C1orf21: variants seen among roughly 807,000 people sequenced by gnomAD.
C1orf21 encodes chromosome 1 open reading frame 21.
Under a neutral mutation model 18.7 loss-of-function variants are expected in C1orf21, and 3 were observed. That is an observed-to-expected ratio of 0.16 (90% CI 0.07 to 0.42). The LOEUF (loss-of-function observed/expected upper bound fraction) is 0.42. Among genes scored for constraint, C1orf21 ranks in the 10% least tolerant of loss-of-function variants. The pLI, the probability that C1orf21 is intolerant of heterozygous loss-of-function variation, is 0.99. For synonymous variants in C1orf21, 41 were observed against 46.4 expected (o/e 0.88, Z 0.47); for missense variants, 104 against 143.6 (o/e 0.72, Z 1.41).
chr1:184,527,938 A>G (rs183659791), intron 3 of C1orf21, among the ~76,000 whole-genome samples: 3 of 152,344 alleles, frequency 2.0e-5, no homozygotes, highest in African/African-American at 4.8e-5. Context: ...TTGGAAAGCC[A>G]TAGAAAGTTA....
At chr1:184,455,800 T>C (rs777688818) in intron 1 of C1orf21, among the ~76,000 whole-genome samples, 2 of 152,204 alleles carry the variant, frequency 1.3e-5, no homozygotes, top group Non-Finnish European at 1.5e-5. Context: ...TGGGATATTA[T>C]GAATACTATT....
chr1:184,606,378 C>A (rs1205953797), intron 5 of C1orf21, among the ~76,000 whole-genome samples: 1 of 152,016 alleles, frequency 6.6e-6, no homozygotes, highest in Non-Finnish European at 1.5e-5. Context: ...GAGTTTGAGA[C>A]CAGCCTGGGC....
chr1:184,604,787 A>C (rs1463860516), intron 5 of C1orf21, among the ~76,000 whole-genome samples: 4 of 152,252 alleles, frequency 2.6e-5, no homozygotes, highest in Non-Finnish European at 5.9e-5. Context: ...TAACAGTAGT[A>C]GATGAGTCTG....
chr1:184,603,920 A>G (rs143964920), intron 5 of C1orf21, among the ~76,000 whole-genome samples: 158 of 152,362 alleles, frequency 1.0e-3, no homozygotes, highest in African/African-American at 3.5e-3. Flanking sequence ...ATGGCCTCAG[A>G]ACTAACGTGG....
At chr1:184,484,719 T>G (rs1657707098) in intron 2 of C1orf21, among the ~76,000 whole-genome samples, 1 of 152,208 alleles carries the variant, frequency 6.6e-6, no homozygotes, top group Admixed American at 6.5e-5. Context: ...GGGCTTAGAT[T>G]ATTGCAGTAA....
At chr1:184,593,355 A>T (rs1659468367) in intron 4 of C1orf21, among the ~76,000 whole-genome samples, 1 of 152,120 alleles carries the variant, frequency 6.6e-6, no homozygotes, top group South Asian at 2.1e-4. Context: ...CTGGAATTCA[A>T]TTAAGAAATC....
intron 3 of C1orf21, among the ~76,000 whole-genome samples, chr1:184,548,187 G>A (rs898288237): frequency 6.7e-6 from 1 of 149,614 alleles, no homozygotes; most frequent in Non-Finnish European, 1.5e-5. Flanking sequence ...CCTCTAGGAA[G>A]TATAGTAATC....
chr1:184,488,590 T>C (rs1321862357), intron 2 of C1orf21, among the ~76,000 whole-genome samples: 1 of 152,246 alleles, frequency 6.6e-6, no homozygotes, highest in East Asian at 1.9e-4. Context: ...TATTTGTGAT[T>C]ATAATATTAA....
chr1:184,519,769 G>A (rs1205975525), intron 3 of C1orf21, among the ~76,000 whole-genome samples: 2 of 152,200 alleles, frequency 1.3e-5, no homozygotes, highest in African/African-American at 2.4e-5. Context: ...GGAGGTGAGA[G>A]TATCAAAAGC....
intron 1 of C1orf21, among the ~76,000 whole-genome samples, chr1:184,423,841 C>G (rs953833037): frequency 2.0e-5 from 3 of 150,550 alleles, no homozygotes; most frequent in African/African-American, 7.4e-5. Flanking sequence ...CATCCCTCCA[C>G]TCATCCATCC....
intron 2 of C1orf21, among the ~76,000 whole-genome samples, chr1:184,477,988 T>C (rs1475111685): frequency 6.6e-6 from 1 of 152,226 alleles, no homozygotes; most frequent in Non-Finnish European, 1.5e-5. Flanking sequence ...TGGAAATCAA[T>C]GTGGATCTTT....
At chr1:184,590,847 T>G (rs778479603) in intron 4 of C1orf21, 32 bp downstream of exon 4, 2 of 1,565,480 alleles carry the variant, frequency 1.3e-6, no homozygotes, top group South Asian at 2.2e-5. Context: ...CCTTATATAG[T>G]CGGCCTTCCA....
In C1orf21 at chr1:184,621,433, C is replaced by T. The variant is rs1249790622; in HGVS notation, c.*1877C>T. The T allele has an allele frequency of 6.6e-6, 1 of 152,446 alleles. No individual in the cohort carries two copies. Among genetic ancestry groups the T allele is most frequent in the Non-Finnish European group, 1.5e-5 (1 of 68,012 alleles). The allele number at this position is 152,446 out of a possible 1,614,324, so 9.4% of individuals were successfully genotyped here. On this transcript the variant is annotated 3_prime_UTR_variant, in exon 6 of 6. Transcript: ENST00000235307. ...GTAGTCTAGGGTTTCAGGTTGCCTC[C>T]CCTCATATGGTTTTTGGCCAAGTGA...
At chr1:184,591,075 T>C (rs1270033485) in intron 4 of C1orf21, among the ~76,000 whole-genome samples, 5 of 152,182 alleles carry the variant, frequency 3.3e-5, no homozygotes, top group Non-Finnish European at 7.4e-5. Flanking sequence ...GTGGGGGTTA[T>C]GCAAATTCTA....
intron 5 of C1orf21, among the ~76,000 whole-genome samples, chr1:184,604,499 G>A (rs1472639473): frequency 1.3e-5 from 2 of 152,162 alleles, no homozygotes; most frequent in Non-Finnish European, 2.9e-5. Context: ...TTTTAACCAA[G>A]TTGCTTTGCT....
intron 3 of C1orf21, among the ~76,000 whole-genome samples, chr1:184,566,139 G>A (rs542638109): frequency 8.5e-5 from 13 of 152,134 alleles, no homozygotes; most frequent in Non-Finnish European, 5.9e-5. Context: ...GGTACTTCCC[G>A]ATAGGAGTCG....
At chr1:184,509,397 G>A (rs190157541) in intron 3 of C1orf21, among the ~76,000 whole-genome samples, 1 of 152,182 alleles carries the variant, frequency 6.6e-6, no homozygotes, top group Non-Finnish European at 1.5e-5. Flanking sequence ...TCTGTGACAA[G>A]CCTCGCCCCT....
At chr1:184,519,816 C>T (rs1313759591) in intron 3 of C1orf21, among the ~76,000 whole-genome samples, 4 of 152,196 alleles carry the variant, frequency 2.6e-5, no homozygotes, top group Non-Finnish European at 5.9e-5. Flanking sequence ...CTCCGGTAAG[C>T]ATCTCTTCCT....
intron 3 of C1orf21, among the ~76,000 whole-genome samples, chr1:184,515,148 C>T (rs927951361): frequency 1.6e-4 from 24 of 152,158 alleles, no homozygotes; most frequent in African/African-American, 5.8e-4. Context: ...CCATTCTTGG[C>T]TATTTTCCTG....
Sources: allele counts gnomAD v4.1 joint callset (sites outside exome capture counted in the v4.1 genomes callset), GRCh38; gene constraint gnomAD v4.1.1; transcripts MANE v1.5; gene names NCBI Gene and HGNC (gene_info 2026-07-23, HGNC 2026-07-21).